The following ADAM29 variants were observed in gnomAD, a reference collection of about 807,000 sequenced individuals.
ADAM29 encodes disintegrin and metalloproteinase domain-containing protein 29.
For missense variants in ADAM29, 969 were observed against 1,001.8 expected (o/e 0.97, Z 0.44); for synonymous variants, 367 against 342.3 (o/e 1.07, Z -0.80).
At chr4:174,955,032 ACAG>A (rs892147310) in intron 4 of ADAM29, among the ~76,000 whole-genome samples, 6 of 152,124 alleles carry the variant, frequency 3.9e-5, no homozygotes, top group African/African-American at 1.4e-4. Context: ...GAAAAAATAA[ACAG>A]CAGCAAATAA....
chr4:174,974,048 C>A (rs1226235227), intron 4 of ADAM29, among the ~76,000 whole-genome samples: 1 of 152,124 alleles, frequency 6.6e-6, no homozygotes, highest in Non-Finnish European at 1.5e-5. Context: ...TCATCCAGTG[C>A]TGTGATGTTG....
rs1258041639 is a variant in ADAM29 at position 174,975,381 on chromosome 4, T to C, written c.-145T>C. ...CTGATGGTTCAACTCTGCCAAAAGA[T>C]GGATCTTTAATGATTAGCACTACAC... is the stretch of plus-strand genomic sequence containing the variant. On this transcript the variant is annotated 5_prime_UTR_variant, in exon 5 of 5. The change abolishes an upstream ATG in the 5' untranslated region. Coordinates refer to ENST00000359240, the MANE Select transcript of ADAM29 (RefSeq NM_014269.4). 3.2e-6 allele frequency: 2 copies of C among 626,108 alleles called. No homozygotes were observed. Among genetic ancestry groups the C allele is most frequent in the Admixed American group, 7.1e-5 (2 of 28,164 alleles). 38.8% of individuals were successfully genotyped at this position (626,108 alleles called of 1,614,324 possible). A position where few individuals can be genotyped will look rare whatever the true frequency, so the allele number is the denominator to read the frequency against.
intron 4 of ADAM29, among the ~76,000 whole-genome samples, chr4:174,962,403 T>A (rs1019305388): frequency 6.6e-6 from 1 of 151,224 alleles, no homozygotes; most frequent in African/African-American, 2.4e-5. Flanking sequence ...TCCCAGCTAC[T>A]CGGGAGGCTG....
intron 4 of ADAM29, among the ~76,000 whole-genome samples, chr4:174,951,411 C>T (rs188672030): frequency 2.0e-3 from 307 of 152,272 alleles, no homozygotes; most frequent in African/African-American, 7.2e-3. Flanking sequence ...ATAAACTTCT[C>T]TGATTATTTA....
rs1290776695 is a variant in ADAM29, at chr4:174,975,663, G to A, written c.138G>A (p.Met46Ile). 2 of 1,613,062 alleles carry A rather than the reference G, an allele frequency of 1.2e-6. No homozygotes were observed. Among genetic ancestry groups the A allele is most frequent in the Non-Finnish European group, 8.5e-7 (1 of 1,179,602 alleles). Reference protein sequence around the residue: ...PVRITGTTRGMTPPGWLSYIL... With the variant: ...PVRITGTTRGITPPGWLSYIL... ...GGATAACTGGCACCACCAGAGGCAT[G>A]ACACCTCCAGGCTGGCTCTCCTATA... Residue 46 changes from methionine (M) to isoleucine (I), a missense_variant, in exon 5 of 5, where the codon ATG becomes ATA. Coordinates refer to ENST00000359240, the MANE Select transcript of ADAM29 (RefSeq NM_014269.4).
intron 2 of ADAM29, among the ~76,000 whole-genome samples, chr4:174,925,655 CTT>C (rs1170797770): frequency 6.6e-6 from 1 of 152,128 alleles, no homozygotes; most frequent in Non-Finnish European, 1.5e-5. Context: ...CTTGATAACT[CTT>C]ATACTTGAGC....
At chr4:174,972,069 T>C (rs1456515656) in intron 4 of ADAM29, among the ~76,000 whole-genome samples, 2 of 152,234 alleles carry the variant, frequency 1.3e-5, no homozygotes, top group African/African-American at 4.8e-5. Context: ...TCTATGGCTT[T>C]GTTGAAATTC....
At chr4:174,941,531 A>G (rs1442267050) in intron 4 of ADAM29, among the ~76,000 whole-genome samples, 2 of 152,162 alleles carry the variant, frequency 1.3e-5, no homozygotes, top group African/African-American at 2.4e-5. Flanking sequence ...CATGTCTCAC[A>G]TGGCAGCAGG....
At chr4:174,972,906 C>T (rs561147347) in intron 4 of ADAM29, among the ~76,000 whole-genome samples, 1 of 152,172 alleles carries the variant, frequency 6.6e-6, no homozygotes, top group South Asian at 2.1e-4. Context: ...TAGGGAAGAT[C>T]TATGCTGTCT....
chr4:174,957,577 C>T (rs901384024), intron 4 of ADAM29, among the ~76,000 whole-genome samples: 1 of 151,828 alleles, frequency 6.6e-6, no homozygotes, highest in African/African-American at 2.4e-5. Flanking sequence ...AGTTCCTACT[C>T]TGGGTCTGCT....
chr4:174,944,791 C>T (rs1744747819), intron 4 of ADAM29, among the ~76,000 whole-genome samples: 1 of 152,146 alleles, frequency 6.6e-6, no homozygotes, highest in African/African-American at 2.4e-5. Context: ...ATTTGGTTTT[C>T]TGTTTCTGTG....
chr4:174,919,387 T>C (rs1743045494), intron 1 of ADAM29, among the ~76,000 whole-genome samples: 1 of 152,156 alleles, frequency 6.6e-6, no homozygotes, highest in Non-Finnish European at 1.5e-5. Flanking sequence ...GGCTAGATAT[T>C]AAATTAGCAC....
At chr4:174,973,376 G>A (rs1211107539) in intron 4 of ADAM29, among the ~76,000 whole-genome samples, 1 of 152,148 alleles carries the variant, frequency 6.6e-6, no homozygotes, top group Non-Finnish European at 1.5e-5. Context: ...CTGAGAGGAT[G>A]TTCTGAATCT....
chr4:174,957,563 A>T (rs1414102982), intron 4 of ADAM29, among the ~76,000 whole-genome samples: 1 of 151,804 alleles, frequency 6.6e-6, no homozygotes, highest in African/African-American at 2.4e-5. Flanking sequence ...AAGAAATCCT[A>T]GTAAGTTCCT....
rs6830730 is a variant in ADAM29, at chr4:174,951,095, T to C, written c.-181+14082T>C. ...TTATAGTAGTGTGAAAATGGAGTAA[T>C]ACAATACTCCACACACAAACATATG... On this transcript the variant is annotated intron_variant, in intron 4 of 4. Coordinates refer to ENST00000359240, the MANE Select transcript of ADAM29 (RefSeq NM_014269.4). Among the ~76,000 whole-genome samples the C allele has an allele frequency of 4.8e-3, 737 of 152,314 alleles. 6 individuals are homozygous for C. Among genetic ancestry groups the C allele is most frequent in the African/African-American group, 0.017 (707 of 41,560 alleles).
At chr4:174,927,406 G>A (rs1743582260) in intron 2 of ADAM29, among the ~76,000 whole-genome samples, 1 of 152,128 alleles carries the variant, frequency 6.6e-6, no homozygotes, top group Non-Finnish European at 1.5e-5. Context: ...ACAATTTGGG[G>A]AGAACTGGCA....
rs769292610 is a variant in ADAM29 at position 174,977,528 on chromosome 4, CT to C, written c.2004del (p.Lys669ArgfsTer36). ...GGTAGTGTTGACAGTGGCCCACCCCCTAAGAGAAAGAAGAAAAAGAAGTTCT... is the reference window on the plus strand; with the variant it reads ...GGTAGTGTTGACAGTGGCCCACCCCCAAGAGAAAGAAGAAAAAGAAGTTCT... ...YGGSVDSGPPPKRKKKKKFCY... is the reference protein window; with the variant it reads ...YGGSVDSGPPXKRKKKKKFCY... On this transcript the variant is annotated frameshift_variant, in exon 5 of 5. Coordinates refer to ENST00000359240, the MANE Select transcript of ADAM29 (RefSeq NM_014269.4). LOFTEE classifies it low-confidence loss of function (END_TRUNC). The C allele has an allele frequency of 2.5e-6, 4 of 1,614,044 alleles. No individual in the cohort carries two copies. The highest frequency in any genetic ancestry group is 3.4e-6 in the Non-Finnish European group (4 of 1,180,024).
chr4:174,965,907 G>A (rs1172846234), intron 4 of ADAM29, among the ~76,000 whole-genome samples: 1 of 152,162 alleles, frequency 6.6e-6, no homozygotes, highest in Non-Finnish European at 1.5e-5. Flanking sequence ...TTGGTCCACA[G>A]CATTGGGCCC....
intron 4 of ADAM29, among the ~76,000 whole-genome samples, chr4:174,972,442 A>G (rs1746528543): frequency 6.6e-6 from 1 of 152,102 alleles, no homozygotes; most frequent in Admixed American, 6.5e-5. Context: ...GGGGTGGGAA[A>G]CTATTGTATC....
Sources: gnomAD v4.1 joint callset for allele counts (sites outside exome capture counted in the v4.1 genomes callset) on GRCh38, gnomAD v4.1.1 for gene constraint, MANE v1.5 for transcripts, NCBI Gene and HGNC (gene_info 2026-07-23, HGNC 2026-07-21) for gene names.